PLS1: variants seen among roughly 807,000 people sequenced by gnomAD.
PLS1 encodes the protein plastin 1, also known as plastin-1.
Under a neutral mutation model 73.7 loss-of-function variants are expected in PLS1, and 32 were observed. The ratio of observed to expected loss-of-function variants is 0.43; its 90% confidence interval spans 0.33 to 0.58. The LOEUF is 0.58. Among genes scored for constraint, PLS1 ranks in the 20% least tolerant of loss-of-function variants. The pLI, the probability that PLS1 is intolerant of heterozygous loss-of-function variation, is 0.04. For synonymous variants in PLS1, 217 were observed against 261.3 expected (o/e 0.83, Z 1.63); for missense variants, 633 against 740.5 (o/e 0.85, Z 1.68).
intron 1 of PLS1, among the ~76,000 whole-genome samples, chr3:142,620,974 G>C (rs540031357): frequency 6.6e-6 from 1 of 152,140 alleles, no homozygotes; most frequent in African/African-American, 2.4e-5. Context: ...AGCTGAGATT[G>C]CACCCCTGCA....
chr3:142,632,259 A>C (rs2036581607), intron 1 of PLS1, among the ~76,000 whole-genome samples: 1 of 152,172 alleles, frequency 6.6e-6, no homozygotes, highest in African/African-American at 2.4e-5. Context: ...TCACAATTTG[A>C]AGTAAGTCAA....
chr3:142,689,356 G>T (rs2038038923), intron 9 of PLS1, among the ~76,000 whole-genome samples: 1 of 152,010 alleles, frequency 6.6e-6, no homozygotes, highest in East Asian at 1.9e-4. Context: ...CTAAGAGGCA[G>T]AGGTTGCAGT....
chr3:142,710,882 G>C (rs1933090723), intron 14 of PLS1, among the ~76,000 whole-genome samples: 1 of 152,252 alleles, frequency 6.6e-6, no homozygotes, highest in Middle Eastern at 3.4e-3. Context: ...AAAATGGAGA[G>C]ACTCTTGGGC....
chr3:142,658,491 A>G (rs2037291502), intron 1 of PLS1, among the ~76,000 whole-genome samples: 1 of 151,770 alleles, frequency 6.6e-6, no homozygotes, highest in South Asian at 2.1e-4. Context: ...AAAAAAAAAA[A>G]AGATGTAACA....
chr3:142,673,301 G>T (rs1429349596), intron 4 of PLS1, among the ~76,000 whole-genome samples: 1 of 152,098 alleles, frequency 6.6e-6, no homozygotes, highest in Non-Finnish European at 1.5e-5. Flanking sequence ...CCTGCCTTGG[G>T]ATTACAGGTG....
intron 1 of PLS1, among the ~76,000 whole-genome samples, chr3:142,647,507 T>C (rs6797734): frequency 1.6e-4 from 15 of 95,730 alleles, no homozygotes; most frequent in East Asian, 2.4e-4. Context: ...TCTTTTCTTT[T>C]TTTTTTTTTT....
chr3:142,632,718 C>G (rs187687242), intron 1 of PLS1, among the ~76,000 whole-genome samples: 1 of 152,074 alleles, frequency 6.6e-6, no homozygotes, highest in African/African-American at 2.4e-5. Flanking sequence ...CCTGTCTTGG[C>G]TTCCTGAGTA....
Position 142,623,816 on chromosome 3 carries a change from AGAAAG to A in PLS1, c.-37+27310_-37+27314del, listed in dbSNP as rs1420246605. On this transcript the variant is annotated intron_variant, in intron 1 of 15. Coordinates refer to ENST00000457734, the MANE Select transcript of PLS1 (RefSeq NM_001145319.2). ...TTCTGTAAGCACCACTGGTTAGAGA[AGAAAG>A]GACTGTTTTGGTTTATTCAGGGTTG... Among the ~76,000 whole-genome samples, 12 of 152,318 alleles carry A rather than the reference AGAAAG, an allele frequency of 7.9e-5. No homozygotes were observed. The East Asian group carries it at 2.3e-3, about 29-fold the overall frequency.
chr3:142,642,769 G>A (rs1293045656), intron 1 of PLS1, among the ~76,000 whole-genome samples: 2 of 152,136 alleles, frequency 1.3e-5, no homozygotes, highest in Non-Finnish European at 2.9e-5. Flanking sequence ...CAGCTTTGCA[G>A]CCTCGACCTC....
Position 142,684,095 on chromosome 3 carries a change from T to A in PLS1, c.669T>A (p.Pro223=). ...IGASDLKEGK[P]HLVLGLLWQI... Reference sequence around the variant, plus strand: ...CATCAGATCTCAAAGAAGGAAAACCTCACTTGGTCTTGGGACTTCTCTGGC... The same window carrying A: ...CATCAGATCTCAAAGAAGGAAAACCACACTTGGTCTTGGGACTTCTCTGGC... The change falls in exon 7 of 16, where the codon CCT becomes CCA. Residue 223 remains proline (P), a synonymous_variant. Coordinates refer to ENST00000457734, the MANE Select transcript of PLS1 (RefSeq NM_001145319.2). The A allele has an allele frequency of 1.9e-6, 3 of 1,613,972 alleles. No individual in the cohort carries two copies. The highest frequency in any genetic ancestry group is 2.5e-6 in the Non-Finnish European group (3 of 1,179,888).
At chr3:142,616,534 T>C (rs545882872) in intron 1 of PLS1, among the ~76,000 whole-genome samples, 1 of 152,338 alleles carries the variant, frequency 6.6e-6, no homozygotes, top group African/African-American at 2.4e-5. Context: ...CAGCATGGAC[T>C]GCAGTACTAT....
At chr3:142,670,192 T>C (rs2037575460) in intron 3 of PLS1, among the ~76,000 whole-genome samples, 1 of 152,148 alleles carries the variant, frequency 6.6e-6, no homozygotes, top group Non-Finnish European at 1.5e-5. Flanking sequence ...AAGAAAGATG[T>C]TAAACAGATA....
chr3:142,610,549 A>G (rs372650246), intron 1 of PLS1, among the ~76,000 whole-genome samples: 6 of 152,076 alleles, frequency 3.9e-5, no homozygotes, highest in South Asian at 4.2e-4. Context: ...TTTTTTCCCA[A>G]ATGAATTTTC....
chr3:142,597,461 T>TAG (rs1321147591), intron 1 of PLS1: 15 of 151,816 alleles, frequency 9.9e-5, no homozygotes, highest in Non-Finnish European at 1.9e-4. Flanking sequence ...CATATATATA[T>TAG]ATAGAGAGAG....
chr3:142,601,736 C>G (rs1268185093), intron 1 of PLS1, among the ~76,000 whole-genome samples: 1 of 152,004 alleles, frequency 6.6e-6, no homozygotes, highest in African/African-American at 2.4e-5. Flanking sequence ...AGGCTGATCT[C>G]AAACTTTTAG....
chr3:142,631,770 A>G (rs922029957), intron 1 of PLS1, among the ~76,000 whole-genome samples: 2 of 152,112 alleles, frequency 1.3e-5, no homozygotes, highest in African/African-American at 2.4e-5. Flanking sequence ...AACTCTTAGA[A>G]GAAAACATTG....
At chr3:142,676,358 T>C in intron 5 of PLS1, 69 bp downstream of exon 5, 2 of 1,420,200 alleles carry the variant, frequency 1.4e-6, no homozygotes, top group Non-Finnish European at 2.0e-6. Flanking sequence ...CCATGAAAAC[T>C]CCAATTCAGC....
At chr3:142,607,202 A>T (rs1012221834) in intron 1 of PLS1, among the ~76,000 whole-genome samples, 1 of 152,226 alleles carries the variant, frequency 6.6e-6, no homozygotes, top group African/African-American at 2.4e-5. Flanking sequence ...AACTGTTTCA[A>T]ATTTACAAAG....
chr3:142,660,301 C>G (rs1300266023), intron 1 of PLS1, among the ~76,000 whole-genome samples: 3 of 152,154 alleles, frequency 2.0e-5, no homozygotes, highest in Non-Finnish European at 2.9e-5. Context: ...ACTTACTTTT[C>G]TGTATCTTGT....
Sources: allele counts gnomAD v4.1 joint callset (sites outside exome capture counted in the v4.1 genomes callset), GRCh38; gene constraint gnomAD v4.1.1; transcripts MANE v1.5; gene names NCBI Gene and HGNC (gene_info 2026-07-23, HGNC 2026-07-21).